ALG6: variants seen among roughly 807,000 people sequenced by gnomAD.
ALG6 encodes the protein dolichyl pyrophosphate Man9GlcNAc2 alpha-1,3-glucosyltransferase.
A neutral mutation model predicts 66.6 loss-of-function variants in ALG6; 46 were observed. That is an observed-to-expected ratio of 0.69 (90% CI 0.55 to 0.88). ALG6 has a LOEUF of 0.88. Among genes scored for constraint, ALG6 ranks in the 40% least tolerant of loss-of-function variants. The pLI, the probability that ALG6 is intolerant of heterozygous loss-of-function variation, is 0.00. For synonymous variants in ALG6, 185 were observed against 203.7 expected, an observed-to-expected ratio of 0.91 and a Z score of 0.78; for missense variants, 505 against 586.8, an observed-to-expected ratio of 0.86 and a Z score of 1.44.
intron 2 of ALG6, among the ~76,000 whole-genome samples, chr1:63,396,051 T>C (rs1170176441): frequency 6.6e-6 from 1 of 152,206 alleles, no homozygotes; most frequent in African/African-American, 2.4e-5. Context: ...GCAGAGGTTA[T>C]ATGCAAATAC....
In ALG6 at chr1:63,419,356, CT is replaced by C; in HGVS notation, c.988-8del. ...AAGTTGTTATATCTCATTTCCCCCC[CT>C]TTTTTCTTAAAGGTTAGCTGTGCGC... On this transcript the variant is annotated splice_polypyrimidine_tract_variant and intron_variant, in intron 11 of 14. Coordinates refer to ENST00000263440, the MANE Select transcript of ALG6 (RefSeq NM_013339.4). 1.9e-6 allele frequency: 3 copies of C among 1,600,450 alleles called. No homozygotes were observed. The highest frequency in any genetic ancestry group is 2.2e-5 in the South Asian group (2 of 89,686).
In ALG6 at chr1:63,413,356, A is replaced by G. The variant is rs1019173320; in HGVS notation, c.817-705A>G. ...TATCATGATAATTATAAAAATGAGTATCAGACATGTTTGATGGTGTTGCCA... is the reference window on the plus strand; with the variant it reads ...TATCATGATAATTATAAAAATGAGTGTCAGACATGTTTGATGGTGTTGCCA... On this transcript the variant is annotated intron_variant, in intron 9 of 14. Transcript: ENST00000263440. Among the ~76,000 whole-genome samples, 26 of 152,348 alleles carry G rather than the reference A, an allele frequency of 1.7e-4. 1 individual carries two copies. Among genetic ancestry groups the G allele is most frequent in the Admixed American group, 1.3e-3 (20 of 15,296 alleles).
At position 63,404,431 on chromosome 1, in the gene ALG6, G is replaced by A. The variant is rs142999004; in HGVS notation, c.258-22G>A. The A allele has an allele frequency of 7.2e-4, 1,122 of 1,563,580 alleles. 4 individuals are homozygous for A. The African/African-American group carries it at 0.011, about 15-fold the overall frequency. ...AAAAGGGATGAGGAATGAAGTATCT[G>A]TATATATGCTTTGATTTGCAGGGCA... is the stretch of plus-strand genomic sequence containing the variant. On this transcript the variant is annotated intron_variant, in intron 4 of 14. Transcript: ENST00000263440.
At chr1:63,422,408 AATATAAATAT>A (rs1290979003) in intron 12 of ALG6, among the ~76,000 whole-genome samples, 4 of 85,954 alleles carry the variant, frequency 4.7e-5, no homozygotes, top group East Asian at 3.0e-4. Context: ...TATCTATATA[AATATAAATAT>A]ATATATAAAT....
chr1:63,392,627 T>C lies in ALG6; in HGVS notation c.83-3886T>C, dbSNP rs544284987. Among the ~76,000 whole-genome samples the C allele has an allele frequency of 2.6e-5, 4 of 152,324 alleles. No individual in the cohort carries two copies. The South Asian group carries it at 6.2e-4, about 24-fold the overall frequency. On this transcript the variant is annotated intron_variant, in intron 2 of 14. Coordinates refer to ENST00000263440, the MANE Select transcript of ALG6 (RefSeq NM_013339.4). ...ATGAATAGTTCAACAATTAATAAAA[T>C]GAACATTTAAGTAGTGCTTAAGCCC...
chr1:63,379,134 A>G (rs1420334156), intron 2 of ALG6, among the ~76,000 whole-genome samples: 1 of 151,874 alleles, frequency 6.6e-6, no homozygotes, highest in Non-Finnish European at 1.5e-5. Context: ...TTTCTTCATG[A>G]GCTTAGTGAT....
At chr1:63,412,643 A>G (rs376320594) in intron 9 of ALG6, among the ~76,000 whole-genome samples, 4 of 152,202 alleles carry the variant, frequency 2.6e-5, no homozygotes, top group Admixed American at 1.3e-4. Context: ...CTTATGAGAT[A>G]TATAACCTTC....
chr1:63,428,964 GC>G lies in ALG6; in HGVS notation c.1167del (p.Ser390LeufsTer3), dbSNP rs769698652. On this transcript the variant is annotated frameshift_variant, in exon 14 of 15. Coordinates refer to ENST00000263440, the MANE Select transcript of ALG6 (RefSeq NM_013339.4). LOFTEE classifies it high-confidence loss of function. Reference protein sequence around the residue: ...PLLLKDELLMPSVVTTMAFFI... With the variant: ...PLLLKDELLMXSVVTTMAFFI... The stretch of plus-strand genomic sequence containing the variant: ...TTCTATTGAAGGATGAACTCCTAAT[GC>G]CCTCTGTTGTGACAACAATGGCATT... 1.1e-5 allele frequency: 18 copies of G among 1,612,980 alleles called. No homozygotes were observed. The highest frequency in any genetic ancestry group is 1.5e-5 in the Non-Finnish European group (18 of 1,179,676).
chr1:63,374,404 G>A (rs1341071001), intron 2 of ALG6, among the ~76,000 whole-genome samples: 1 of 152,152 alleles, frequency 6.6e-6, no homozygotes, highest in Non-Finnish European at 1.5e-5. Context: ...GAAGTGGGCC[G>A]ATCACATGAG....
At chr1:63,393,773 T>C in intron 2 of ALG6, among the ~76,000 whole-genome samples, 1 of 152,184 alleles carries the variant, frequency 6.6e-6, no homozygotes, top group East Asian at 1.9e-4. Context: ...GATCAGTAAG[T>C]GAAAAATCAG....
intron 2 of ALG6, among the ~76,000 whole-genome samples, chr1:63,375,437 T>TC (rs1342291198): frequency 9.3e-5 from 13 of 140,140 alleles, no homozygotes; most frequent in Non-Finnish European, 1.4e-4. Context: ...TTTTTTTTTT[T>TC]CCAGTAGAGA....
At chr1:63,399,136 G>A (rs529400515) in intron 3 of ALG6, among the ~76,000 whole-genome samples, 47 of 152,272 alleles carry the variant, frequency 3.1e-4, no homozygotes, top group African/African-American at 1.1e-3. Context: ...GAGGGCTTCA[G>A]TTTCTTGTTG....
At chr1:63,419,847 CT>C (rs5774651) in intron 12 of ALG6, among the ~76,000 whole-genome samples, 35,974 of 151,966 alleles carry the variant, frequency 0.24, 5,409 homozygotes, top group African/African-American at 0.43. Context: ...CCTTCTTTCT[CT>C]TTTTTTGCCA....
rs150335858 is a variant in ALG6, at chr1:63,391,447, C to T, written c.83-5066C>T. ...GCAAAACCTGTTCATTTTGGTTCCT[C>T]TGGGTATCCTTTTACCTTTGGAGAT... On this transcript the variant is annotated intron_variant, in intron 2 of 14. Coordinates refer to ENST00000263440, the MANE Select transcript of ALG6 (RefSeq NM_013339.4). 7.4e-3 allele frequency among the ~76,000 whole-genome samples: 1,127 copies of T among 152,230 alleles called. 11 individuals are homozygous for T. Among genetic ancestry groups the T allele is most frequent in the African/African-American group, 0.024 (1,015 of 41,548 alleles).
chr1:63,384,420 C>T (rs1391777380), intron 2 of ALG6, among the ~76,000 whole-genome samples: 1 of 152,034 alleles, frequency 6.6e-6, no homozygotes, highest in African/African-American at 2.4e-5. Context: ...GTAGTTTGCG[C>T]ATATTTTCTC....
At chr1:63,406,963 G>C in intron 6 of ALG6, 99 bp from the exon 7 acceptor site, 1 of 861,330 alleles carries the variant, frequency 1.2e-6, no homozygotes, top group Middle Eastern at 2.5e-4. Context: ...CTCTGGAAAA[G>C]GGGAACATTT....
At position 63,414,851 on chromosome 1, in the gene ALG6, A is replaced by G. The variant is rs12040436; in HGVS notation, c.902+705A>G. Reference sequence around the variant, plus strand: ...CCTAGCTAAGCAAAACAGAAGTCACAAGGCAGGCAGTCAGGAGGGAATATC... The same window carrying G: ...CCTAGCTAAGCAAAACAGAAGTCACGAGGCAGGCAGTCAGGAGGGAATATC... On this transcript the variant is annotated intron_variant, in intron 10 of 14. Transcript: ENST00000263440. 1.5e-3 allele frequency among the ~76,000 whole-genome samples: 225 copies of G among 152,300 alleles called. 4 individuals carry two copies. In the East Asian group the frequency reaches 0.035, roughly 23 times the overall value.
At chr1:63,399,624 A>C (rs563162808) in intron 3 of ALG6, among the ~76,000 whole-genome samples, 65 of 152,328 alleles carry the variant, frequency 4.3e-4, no homozygotes, top group Non-Finnish European at 8.2e-4. Flanking sequence ...TATGTAAGTT[A>C]TTTCAACTAT....
chr1:63,436,510 T>G (rs540999425), intron 14 of ALG6, among the ~76,000 whole-genome samples: 33 of 152,144 alleles, frequency 2.2e-4, no homozygotes, highest in Non-Finnish European at 4.4e-4. Flanking sequence ...CAGATACCTT[T>G]GTTCAGTGCC....
Sources: allele counts gnomAD v4.1 joint callset (sites outside exome capture counted in the v4.1 genomes callset), GRCh38; gene constraint gnomAD v4.1.1; transcripts MANE v1.5; gene names NCBI Gene and HGNC (gene_info 2026-07-23, HGNC 2026-07-21).